The following PRRG2 variants were observed in gnomAD, a reference collection of about 807,000 sequenced individuals.
The protein encoded by PRRG2 is proline rich and Gla domain 2.
In PRRG2, 23 loss-of-function variants were observed where a neutral mutation model predicts 27.1. That is an observed-to-expected ratio of 0.85 (90% CI 0.61 to 1.20). PRRG2 has a LOEUF of 1.20. Ranked by LOEUF, PRRG2 falls within the 50% of genes most tolerant of loss-of-function variation. PRRG2 has a pLI of 0.00. For synonymous variants in PRRG2, 104 were observed against 103.4 expected (o/e 1.01, Z -0.03); for missense variants, 276 against 254.8 (o/e 1.08, Z -0.57).
At chr19:49,581,989 C>T (rs1371381419) in intron 1 of PRRG2, among the ~76,000 whole-genome samples, 1 of 151,896 alleles carries the variant, frequency 6.6e-6, no homozygotes, top group Non-Finnish European at 1.5e-5. Context: ...CCTGTAATCC[C>T]AGCACTTTGG....
chr19:49,590,321 G>T (rs541776944), intron 6 of PRRG2, 50 bp from the exon 7 acceptor site: 17 of 1,613,812 alleles, frequency 1.1e-5, no homozygotes, highest in Non-Finnish European at 1.4e-5. Flanking sequence ...TTGAAGGGGG[G>T]AGAAAAACAG....
At chr19:49,588,745 T>G (rs2288921) in intron 5 of PRRG2, 113 bp downstream of exon 5, 335,442 of 1,283,860 alleles carry the variant, frequency 0.26, 50,147 homozygotes, top group African/African-American at 0.6. Context: ...ATGAAAGACC[T>G]AAGGACACAG....
At chr19:49,588,064 C>A (rs1437836164) in intron 4 of PRRG2, among the ~76,000 whole-genome samples, 2 of 151,988 alleles carry the variant, frequency 1.3e-5, no homozygotes, top group African/African-American at 4.8e-5. Context: ...TGAGTTCAAG[C>A]GATTCTCCTG....
At chr19:49,586,080 A>G (rs2080666907) in intron 4 of PRRG2, among the ~76,000 whole-genome samples, 2 of 150,772 alleles carry the variant, frequency 1.3e-5, no homozygotes, top group Non-Finnish European at 3.0e-5. Context: ...TCCAAAAAAA[A>G]AAAAAAAAAA....
At chr19:49,588,410 T>C in intron 4 of PRRG2, 87 bp from the exon 5 acceptor site, 1 of 1,514,060 alleles carries the variant, frequency 6.6e-7, no homozygotes, top group Admixed American at 2.3e-5. Context: ...TCCGGGTCCA[T>C]TCTCTTCCCT....
chr19:49,590,073 C>T, intron 6 of PRRG2, 21 bp downstream of exon 6: 1 of 1,476,288 alleles, frequency 6.8e-7, no homozygotes, highest in Non-Finnish European at 8.9e-7. Context: ...TGGCTTCTGC[C>T]CGGGGGCGGG....
intron 5 of PRRG2, among the ~76,000 whole-genome samples, chr19:49,588,883 T>G (rs2080692614): frequency 6.6e-6 from 1 of 152,168 alleles, no homozygotes; most frequent in Non-Finnish European, 1.5e-5. Context: ...GTCTTTGCGG[T>G]ACTGAGATTA....
At chr19:49,590,338 C>A in intron 6 of PRRG2, 33 bp from the exon 7 acceptor site, 1 of 1,614,036 alleles carries the variant, frequency 6.2e-7, no homozygotes, top group Non-Finnish European at 8.5e-7. Context: ...ACAGCCAGAT[C>A]TTTGACTCCC....
At position 49,590,518 on chromosome 19, in the gene PRRG2, G is replaced by A. The variant is rs2080712766; in HGVS notation, c.*129G>A. 3.0e-6 allele frequency: 4 copies of A among 1,318,824 alleles called. No individual in the cohort carries two copies. The South Asian group carries it at 3.8e-5, about 12-fold the overall frequency. 81.7% of individuals were successfully genotyped at this position (1,318,824 alleles called of 1,614,324 possible). ...GAATGGTGGGAGTAGGGGTCATCCG[G>A]CCCGAGGCCTGCCCTGGCACACGCG... On this transcript the variant is annotated 3_prime_UTR_variant, in exon 7 of 7. Coordinates refer to ENST00000246794, the MANE Select transcript of PRRG2 (RefSeq NM_000951.3).
chr19:49,585,193 T>C (rs1351903696), intron 4 of PRRG2, among the ~76,000 whole-genome samples: 1 of 152,092 alleles, frequency 6.6e-6, no homozygotes, highest in African/African-American at 2.4e-5. Flanking sequence ...TAAGGAGGCC[T>C]TCTCCCTAGC....
chr19:49,584,542 C>T (rs2080654956), intron 4 of PRRG2, among the ~76,000 whole-genome samples: 2 of 152,280 alleles, frequency 1.3e-5, no homozygotes, highest in African/African-American at 4.8e-5. Context: ...AATCTTGGCT[C>T]ACTGCAGCCT....
intron 4 of PRRG2, 152 bp downstream of exon 4, chr19:49,584,104 C>A (rs2080650462): frequency 1.4e-6 from 1 of 706,312 alleles, no homozygotes; most frequent in Admixed American, 3.4e-5. Context: ...AAGGAGTTCC[C>A]TCCCTTAAGA....
intron 1 of PRRG2, 131 bp from the exon 2 acceptor site, chr19:49,583,076 T>C (rs2080640120): frequency 2.9e-6 from 2 of 680,916 alleles, no homozygotes; most frequent in Non-Finnish European, 5.0e-6. Context: ...AAACAGTATC[T>C]GGCACAGAAT....
chr19:49,586,613 G>A (rs1599776731), intron 4 of PRRG2, among the ~76,000 whole-genome samples: 1 of 152,144 alleles, frequency 6.6e-6, no homozygotes, highest in Non-Finnish European at 1.5e-5. Context: ...AGCACTTTGG[G>A]AGGCCAAGGC....
In PRRG2 at chr19:49,590,377, G is replaced by C. The variant is rs1358014628; in HGVS notation, c.597G>C (p.Arg199Ser). 3.1e-6 allele frequency: 5 copies of C among 1,614,130 alleles called. No homozygotes were observed. The South Asian group carries it at 5.5e-5, about 18-fold the overall frequency. Reference protein sequence around the residue: ...DAPPPPYTSLRRPH With the variant: ...DAPPPPYTSLSRPH Reference sequence around the variant, plus strand: ...TGTGCCTTTCCTCTTGCAGCCTCAGGAGGCCTCACTGAAGAGCTGCTTTCG... The same window carrying C: ...TGTGCCTTTCCTCTTGCAGCCTCAGCAGGCCTCACTGAAGAGCTGCTTTCG... Residue 199 changes from arginine (R) to serine (S), a missense_variant, in exon 7 of 7, where the codon AGG becomes AGC. Transcript: ENST00000246794.
At chr19:49,587,970 T>G (rs1283761879) in intron 4 of PRRG2, among the ~76,000 whole-genome samples, 1 of 151,874 alleles carries the variant, frequency 6.6e-6, no homozygotes, top group Non-Finnish European at 1.5e-5. Flanking sequence ...TTTTGTTTTT[T>G]TTTATTTTGA....
chr19:49,590,313 GAA>G, intron 6 of PRRG2, 56 bp from the exon 7 acceptor site: 2 of 1,612,812 alleles, frequency 1.2e-6, no homozygotes, highest in Admixed American at 3.3e-5. Flanking sequence ...GGTCCTGGTT[GAA>G]GGGGGGAGAA....
chr19:49,588,809 G>A (rs1182619039), intron 5 of PRRG2, among the ~76,000 whole-genome samples, 177 bp downstream of exon 5: 1 of 152,142 alleles, frequency 6.6e-6, no homozygotes, highest in Non-Finnish European at 1.5e-5. Context: ...GGCGACTGTC[G>A]CTCTGTCTGG....
chr19:49,589,293 A>C (rs2080696336), intron 5 of PRRG2, among the ~76,000 whole-genome samples: 1 of 151,374 alleles, frequency 6.6e-6, no homozygotes, highest in Non-Finnish European at 1.5e-5. Context: ...ACGCCCAGCT[A>C]ATTTTGTATT....
Sources: gnomAD v4.1 joint callset for allele counts (sites outside exome capture counted in the v4.1 genomes callset) on GRCh38, gnomAD v4.1.1 for gene constraint, MANE v1.5 for transcripts, NCBI Gene and HGNC (gene_info 2026-07-23, HGNC 2026-07-21) for gene names.